FBXO21: variants seen among roughly 807,000 people sequenced by gnomAD.
The protein encoded by FBXO21 is F-box protein 21.
In FBXO21, 32 loss-of-function variants were observed where a neutral mutation model predicts 76.6. The observed-to-expected ratio is 0.42, with a 90% CI of 0.32 to 0.56. FBXO21 has a LOEUF of 0.56. FBXO21 is among the 20% of genes least tolerant of loss of function. FBXO21 has a pLI of 0.16. For missense variants in FBXO21, 586 were observed against 797.3 expected (o/e 0.73, Z 3.19); for synonymous variants, 328 against 311.5 (o/e 1.05, Z -0.56).
intron 7 of FBXO21, 25 bp downstream of exon 7, chr12:117,172,446 C>T (rs754162118): frequency 1.9e-6 from 3 of 1,604,806 alleles, no homozygotes; most frequent in Non-Finnish European, 2.6e-6. Flanking sequence ...TTCAGGACCA[C>T]AGATAATGTG....
At chr12:117,182,406 C>A in intron 3 of FBXO21, among the ~76,000 whole-genome samples, 1 of 151,960 alleles carries the variant, frequency 6.6e-6, no homozygotes, top group Non-Finnish European at 1.5e-5. Context: ...CAGAGGATCC[C>A]CTGAACACAG....
intron 11 of FBXO21, among the ~76,000 whole-genome samples, chr12:117,153,925 T>G (rs1955879389): frequency 6.6e-6 from 1 of 152,230 alleles, no homozygotes; most frequent in Non-Finnish European, 1.5e-5. Flanking sequence ...TAGATATGAT[T>G]AGAGATCAAC....
At chr12:117,147,619 G>C (rs1237850303) in intron 11 of FBXO21, among the ~76,000 whole-genome samples, 1 of 121,396 alleles carries the variant, frequency 8.2e-6, no homozygotes, top group Non-Finnish European at 1.8e-5. Flanking sequence ...AAAAAAAAAA[G>C]AGATAATACA....
chr12:117,166,818 A>G (rs1956058483), intron 8 of FBXO21, 80 bp downstream of exon 8: 1 of 1,264,222 alleles, frequency 7.9e-7, no homozygotes. Context: ...ACGAAAAGTC[A>G]CTTGGCACAT....
chr12:117,170,258 G>A (rs74460617), intron 7 of FBXO21, among the ~76,000 whole-genome samples: 3,457 of 152,058 alleles, frequency 0.023, 147 homozygotes, highest in African/African-American at 0.079. Flanking sequence ...TAAACAGAGT[G>A]GTCCATGTTC....
In FBXO21 at chr12:117,163,802, C is replaced by T. The variant is rs148031722; in HGVS notation, c.1326+1683G>A. On this transcript the variant is annotated intron_variant, in intron 9 of 11. Coordinates refer to ENST00000622495, the MANE Select transcript of FBXO21 (RefSeq NM_015002.3). ...TACTAAAACAAATACAAAAATTAGT[C>T]AGGCGTGGTGGTGTAGCTATAGTCC... 1.6e-4 allele frequency among the ~76,000 whole-genome samples: 25 copies of T among 151,834 alleles called. No homozygotes were observed. The East Asian group carries it at 4.9e-3, about 30-fold the overall frequency.
chr12:117,177,496 C>T (rs1250123477), intron 4 of FBXO21, 24 bp downstream of exon 4: 2 of 1,605,884 alleles, frequency 1.2e-6, no homozygotes, highest in African/African-American at 1.3e-5. Flanking sequence ...ATACTACTGT[C>T]CACATATATG....
At chr12:117,185,459 G>C (rs1249112128) in intron 3 of FBXO21, among the ~76,000 whole-genome samples, 3 of 152,200 alleles carry the variant, frequency 2.0e-5, no homozygotes, top group Non-Finnish European at 4.4e-5. Context: ...TCCATCACTA[G>C]AAAGTTTTCA....
chr12:117,166,866 G>A (rs1276607758), intron 8 of FBXO21, 32 bp downstream of exon 8: 2 of 1,598,592 alleles, frequency 1.3e-6, no homozygotes, highest in Non-Finnish European at 1.7e-6. Context: ...CATGTGCTCT[G>A]CAGAAGTACT....
At position 117,158,546 on chromosome 12, in the gene FBXO21, C is replaced by T. The variant is rs140926831; in HGVS notation, c.1327-483G>A. Reference sequence around the variant, plus strand: ...AAAAAAAATGCTAAATTGCTTTAATCGAGACGAAGAGGATGTCTGACACAA... The same window carrying T: ...AAAAAAAATGCTAAATTGCTTTAATTGAGACGAAGAGGATGTCTGACACAA... On this transcript the variant is annotated intron_variant, in intron 9 of 11. Transcript: ENST00000622495. 3.1e-3 allele frequency among the ~76,000 whole-genome samples: 477 copies of T among 152,244 alleles called. 4 individuals carry two copies. Among genetic ancestry groups the T allele is most frequent in the African/African-American group, 0.011 (455 of 41,534 alleles).
chr12:117,153,859 ATTAATTT>A, intron 11 of FBXO21, among the ~76,000 whole-genome samples: 1 of 152,260 alleles, frequency 6.6e-6, no homozygotes, highest in South Asian at 2.1e-4. Context: ...ACAAGCAGAT[ATTAATTT>A]TTTCAGTAAT....
chr12:117,165,659 T>C (rs903638655), intron 8 of FBXO21, 42 bp from the exon 9 acceptor site: 2 of 1,527,632 alleles, frequency 1.3e-6, no homozygotes, highest in African/African-American at 2.7e-5. Flanking sequence ...CTGCTTGTTT[T>C]TTCAGCAAAG....
intron 11 of FBXO21, among the ~76,000 whole-genome samples, chr12:117,153,663 T>G (rs1348904228): frequency 6.6e-6 from 1 of 152,042 alleles, no homozygotes; most frequent in African/African-American, 2.4e-5. Context: ...ATCTGCCCCT[T>G]GGCCCAGGAC....
chr12:117,177,437 A>T, intron 4 of FBXO21, 83 bp downstream of exon 4: 2 of 1,420,168 alleles, frequency 1.4e-6, no homozygotes, highest in South Asian at 1.4e-5. Context: ...ACCACAAGGA[A>T]CACAATTCCC....
At chr12:117,173,165 T>A (rs10850788) in intron 6 of FBXO21, among the ~76,000 whole-genome samples, 57,511 of 151,938 alleles carry the variant, frequency 0.38, 12,091 homozygotes, top group Admixed American at 0.55. Context: ...AGTAGCTGGG[T>A]TTACAGGCAA....
intron 11 of FBXO21, among the ~76,000 whole-genome samples, chr12:117,152,889 G>C (rs1592869131): frequency 6.6e-6 from 1 of 152,208 alleles, no homozygotes; most frequent in East Asian, 1.9e-4. Context: ...GGTAAATGGG[G>C]GTATTTGATG....
chr12:117,151,754 GA>G (rs1194124652), intron 11 of FBXO21, among the ~76,000 whole-genome samples: 2 of 152,136 alleles, frequency 1.3e-5, no homozygotes, highest in Non-Finnish European at 2.9e-5. Context: ...GAGGGAGGGG[GA>G]AGGGAGAGGC....
intron 11 of FBXO21, among the ~76,000 whole-genome samples, chr12:117,153,431 C>T (rs1484644232): frequency 6.6e-6 from 1 of 152,076 alleles, no homozygotes; most frequent in African/African-American, 2.4e-5. Flanking sequence ...GTCGGGGTAA[C>T]AATGTTGGAG....
intron 9 of FBXO21, among the ~76,000 whole-genome samples, chr12:117,158,345 C>T (rs1271204432): frequency 6.6e-6 from 1 of 152,156 alleles, no homozygotes; most frequent in Non-Finnish European, 1.5e-5. Context: ...CTTTGGAAAC[C>T]AGTGTGCTGG....
Sources: gnomAD v4.1 joint callset for allele counts (sites outside exome capture counted in the v4.1 genomes callset) on GRCh38, gnomAD v4.1.1 for gene constraint, MANE v1.5 for transcripts, NCBI Gene and HGNC (gene_info 2026-07-23, HGNC 2026-07-21) for gene names.